LAMA2: variants seen among roughly 807,000 people sequenced by gnomAD.
The protein encoded by LAMA2 is laminin subunit alpha-2.
Under a neutral mutation model 364.8 loss-of-function variants are expected in LAMA2, and 269 were observed. The observed-to-expected ratio is 0.74, with a 90% confidence interval of 0.67 to 0.82. LAMA2 has a LOEUF of 0.82. Among genes scored for constraint, LAMA2 ranks in the 40% least tolerant of loss-of-function variants. LAMA2 has a pLI of 0.00. For missense variants in LAMA2, 3,807 were observed against 3,873.2 expected, an observed-to-expected ratio of 0.98 and a Z score of 0.45; for synonymous variants, 1,379 against 1,370.6, an observed-to-expected ratio of 1.01 and a Z score of -0.14.
At chr6:129,267,260 G>A (rs1186702241) in intron 16 of LAMA2, 41 bp downstream of exon 16, 1 of 1,290,484 alleles carries the variant, frequency 7.7e-7, no homozygotes, top group East Asian at 2.3e-5. Context: ...TGACAAGGCT[G>A]AAATCACCTC....
At chr6:128,908,832 T>G (rs1426731296) in intron 1 of LAMA2, among the ~76,000 whole-genome samples, 1 of 149,768 alleles carries the variant, frequency 6.7e-6, no homozygotes, top group African/African-American at 2.5e-5. Context: ...TCTGGTATGT[T>G]GTGTCTTTGT....
chr6:129,246,941 C>A (rs1785793827), intron 12 of LAMA2, among the ~76,000 whole-genome samples: 1 of 152,108 alleles, frequency 6.6e-6, no homozygotes, highest in Admixed American at 6.5e-5. Flanking sequence ...AGTCTTGTAA[C>A]TGACTCATTG....
chr6:128,888,404 A>G (rs1187476489), intron 1 of LAMA2, among the ~76,000 whole-genome samples: 1 of 152,228 alleles, frequency 6.6e-6, no homozygotes, highest in Non-Finnish European at 1.5e-5. Context: ...AGACAGGACT[A>G]TGATGAATAT....
At chr6:129,216,000 C>T (rs1168848819) in intron 12 of LAMA2, among the ~76,000 whole-genome samples, 1 of 152,090 alleles carries the variant, frequency 6.6e-6, no homozygotes, top group African/African-American at 2.4e-5. Context: ...GTGTACTGAT[C>T]CAGTATTAAC....
intron 58 of LAMA2, among the ~76,000 whole-genome samples, chr6:129,496,832 G>A (rs141598155): frequency 4.6e-5 from 7 of 152,276 alleles, no homozygotes; most frequent in Non-Finnish European, 8.8e-5. Context: ...ATTCTGGCAG[G>A]TTACTTGTCC....
intron 1 of LAMA2, among the ~76,000 whole-genome samples, chr6:128,915,903 T>C (rs1002138536): frequency 4.6e-5 from 7 of 152,224 alleles, no homozygotes; most frequent in Non-Finnish European, 8.8e-5. Context: ...CAACTATTAA[T>C]GATGAGAGAT....
intron 1 of LAMA2, among the ~76,000 whole-genome samples, chr6:128,917,730 C>CT (rs1778426236): frequency 9.4e-6 from 1 of 106,728 alleles, no homozygotes; most frequent in African/African-American, 4.0e-5. Flanking sequence ...TTCTTTCTTT[C>CT]TTTCTTTTTT....
Position 129,312,847 on chromosome 6 carries a change from T to TA in LAMA2, c.3175-13dup, listed in dbSNP as rs368781972. The TA allele has an allele frequency of 1.9e-6, 3 of 1,590,500 alleles. No homozygotes were observed. In the African/African-American group the frequency reaches 4.0e-5, roughly 21 times the overall value. ...AAGTTGTGTTAATGGTTGCTGTTTT[T>TA]ATCTCCTCTATAGGCTTGTAACTGC... On this transcript the variant is annotated splice_polypyrimidine_tract_variant and intron_variant, in intron 22 of 64. Transcript: ENST00000421865.
At chr6:128,954,428 T>C (rs889579553) in intron 1 of LAMA2, among the ~76,000 whole-genome samples, 3 of 152,066 alleles carry the variant, frequency 2.0e-5, no homozygotes, top group African/African-American at 4.8e-5. Flanking sequence ...CTCTGGAAAT[T>C]CTTTGTGTCT....
chr6:128,907,567 A>C (rs1187343067), intron 1 of LAMA2, among the ~76,000 whole-genome samples: 1 of 152,112 alleles, frequency 6.6e-6, no homozygotes, highest in Non-Finnish European at 1.5e-5. Flanking sequence ...ATATACAATC[A>C]TGTCGTCTGC....
In LAMA2 at chr6:129,215,772, A is replaced by G. The variant is rs118026014; in HGVS notation, c.1782+22919A>G. On this transcript the variant is annotated intron_variant, in intron 12 of 64. Transcript: ENST00000421865. Reference sequence around the variant, plus strand: ...TGATTCTTTAATCTAATAACTCATGAGACACTGGATATGTAATAGGAACTG... The same window carrying G: ...TGATTCTTTAATCTAATAACTCATGGGACACTGGATATGTAATAGGAACTG... Among the ~76,000 whole-genome samples, 1,481 of 152,242 alleles carry G rather than the reference A, an allele frequency of 9.7e-3. 18 individuals carry two copies. Among genetic ancestry groups the G allele is most frequent in the Non-Finnish European group, 0.015 (1,041 of 67,984 alleles).
chr6:129,145,284 T>A (rs916294924), intron 5 of LAMA2, among the ~76,000 whole-genome samples: 1 of 152,010 alleles, frequency 6.6e-6, no homozygotes, highest in Non-Finnish European at 1.5e-5. Context: ...CTCTCCATCA[T>A]CACAAGATAA....
chr6:129,393,369 C>G (rs1779430138), intron 37 of LAMA2, 114 bp downstream of exon 37: 4 of 820,914 alleles, frequency 4.9e-6, no homozygotes, highest in Admixed American at 2.0e-5. Flanking sequence ...TCAAGAGTGA[C>G]AACTCTGAAA....
chr6:129,485,103 TA>T (rs1165657481), intron 55 of LAMA2, among the ~76,000 whole-genome samples: 1 of 152,128 alleles, frequency 6.6e-6, no homozygotes, highest in African/African-American at 2.4e-5. Context: ...TCTTGAAAAA[TA>T]AACTTTTTTC....
At chr6:129,018,843 A>G (rs1231264260) in intron 1 of LAMA2, among the ~76,000 whole-genome samples, 1 of 152,058 alleles carries the variant, frequency 6.6e-6, no homozygotes, top group Non-Finnish European at 1.5e-5. Context: ...AACATCTACT[A>G]TTCCATGTTT....
At chr6:128,917,530 C>T (rs1271930076) in intron 1 of LAMA2, among the ~76,000 whole-genome samples, 1 of 151,898 alleles carries the variant, frequency 6.6e-6, no homozygotes, top group South Asian at 2.1e-4. Context: ...ACAGTTAGTC[C>T]TTAGGTAAAT....
chr6:129,008,592 C>G (rs1784572082), intron 1 of LAMA2, among the ~76,000 whole-genome samples: 1 of 152,100 alleles, frequency 6.6e-6, no homozygotes, highest in Admixed American at 6.6e-5. Context: ...TCTATAGGGT[C>G]TCAAAGCAGT....
chr6:129,183,070 A>G lies in LAMA2; in HGVS notation c.1467+5204A>G, dbSNP rs1193201680. ...TGAATATTATCATCATTATATTTCA[A>G]AATGTGAAAGCAGTGCTAGCTCAAG... On this transcript the variant is annotated intron_variant, in intron 10 of 64. Transcript: ENST00000421865. Among the ~76,000 whole-genome samples the G allele has an allele frequency of 2.6e-5, 4 of 151,982 alleles. No homozygotes were observed. In the East Asian group the frequency reaches 7.7e-4, roughly 29 times the overall value.
intron 4 of LAMA2, among the ~76,000 whole-genome samples, chr6:129,112,896 G>A (rs1457629317): frequency 6.6e-6 from 1 of 151,930 alleles, no homozygotes; most frequent in Admixed American, 6.6e-5. Context: ...GAGGCTGCTT[G>A]TACCAAACTG....
Sources: allele counts gnomAD v4.1 joint callset (sites outside exome capture counted in the v4.1 genomes callset), GRCh38; gene constraint gnomAD v4.1.1; transcripts MANE v1.5; gene names NCBI Gene and HGNC (gene_info 2026-07-23, HGNC 2026-07-21).